LRRC49: variants seen among roughly 807,000 people sequenced by gnomAD.
LRRC49 encodes leucine rich repeat containing 49.
A neutral mutation model predicts 83.3 loss-of-function variants in LRRC49; 50 were observed. The observed-to-expected ratio is 0.60, with a 90% CI of 0.48 to 0.76. The LOEUF (loss-of-function observed/expected upper bound fraction) is 0.76. Ranked by LOEUF, LRRC49 falls within the 30% of genes least tolerant of loss-of-function variation. The probability of loss-of-function intolerance (pLI) is 0.00; values close to 1 mark genes in which losing one functional copy is unlikely to be tolerated. For synonymous variants in LRRC49, 286 were observed against 283.3 expected (o/e 1.01, Z -0.10); for missense variants, 704 against 809.1 (o/e 0.87, Z 1.58).
At chr15:70,871,493 G>A (rs565828759) in intron 1 of LRRC49, among the ~76,000 whole-genome samples, 9 of 152,254 alleles carry the variant, frequency 5.9e-5, no homozygotes, top group Non-Finnish European at 8.8e-5. Flanking sequence ...GGTGGCGGCC[G>A]GGCAGAGGGG....
chr15:70,952,090 A>G (rs1481464871), intron 8 of LRRC49, among the ~76,000 whole-genome samples: 1 of 152,170 alleles, frequency 6.6e-6, no homozygotes, highest in Non-Finnish European at 1.5e-5. Context: ...ATGTTGAACC[A>G]ACTTTGCATC....
intron 8 of LRRC49, among the ~76,000 whole-genome samples, chr15:70,937,429 AG>A (rs1289936236): frequency 6.6e-6 from 1 of 152,180 alleles, no homozygotes; most frequent in East Asian, 1.9e-4. Context: ...TCAATGCAAA[AG>A]GGCCCCTACT....
At chr15:70,865,017 C>A (rs1276474163) in intron 1 of LRRC49, among the ~76,000 whole-genome samples, 1 of 152,198 alleles carries the variant, frequency 6.6e-6, no homozygotes, top group Non-Finnish European at 1.5e-5. Flanking sequence ...CAGTCATTTT[C>A]TTCCTTTTTT....
At chr15:70,894,264 GT>G (rs915936962) in intron 2 of LRRC49, among the ~76,000 whole-genome samples, 2 of 151,838 alleles carry the variant, frequency 1.3e-5, no homozygotes, top group African/African-American at 4.8e-5. Flanking sequence ...AATTGGGGAG[GT>G]TTTTTTTCTT....
intron 11 of LRRC49, among the ~76,000 whole-genome samples, chr15:70,987,592 G>GGA (rs1183212265): frequency 6.6e-6 from 1 of 151,952 alleles, no homozygotes; most frequent in East Asian, 1.9e-4. Context: ...ACCAGCTCCT[G>GGA]GATTCATTAA....
At chr15:70,964,034 A>T in intron 9 of LRRC49, 102 bp downstream of exon 9, 2 of 1,141,372 alleles carry the variant, frequency 1.8e-6, no homozygotes, top group Non-Finnish European at 2.5e-6. Flanking sequence ...ATTTTAGTGA[A>T]CTATGGGTTA....
intron 8 of LRRC49, among the ~76,000 whole-genome samples, chr15:70,960,578 G>A (rs900738199): frequency 7.2e-5 from 11 of 152,156 alleles, no homozygotes; most frequent in Non-Finnish European, 1.6e-4. Context: ...ATTGGTGAAA[G>A]AGTAGACACA....
At chr15:71,031,676 GGGGCTGTTAC>G (rs2039356422) in intron 14 of LRRC49, among the ~76,000 whole-genome samples, 1 of 152,194 alleles carries the variant, frequency 6.6e-6, no homozygotes, top group Non-Finnish European at 1.5e-5. Flanking sequence ...GCCCCTGAAT[GGGGCTGTTAC>G]CTTTCCTTCA....
In LRRC49 at chr15:71,050,602, T is replaced by C. The variant is rs1397341942; in HGVS notation, c.*990T>C. 6.6e-6 allele frequency: 1 copy of C among 152,144 alleles called. No homozygotes were observed. Among genetic ancestry groups the C allele is most frequent in the Non-Finnish European group, 1.5e-5 (1 of 68,034 alleles). 9.4% of individuals were successfully genotyped at this position (152,144 alleles called of 1,614,324 possible). ...TTGCTTAGATTTTACCTAGCAGCTA[T>C]TATGTCAGCAGGACCACCAGGATAT... On this transcript the variant is annotated 3_prime_UTR_variant, in exon 16 of 16. Transcript: ENST00000260382.
intron 14 of LRRC49, among the ~76,000 whole-genome samples, chr15:71,033,375 A>G (rs1341414888): frequency 6.6e-6 from 1 of 152,224 alleles, no homozygotes; most frequent in Non-Finnish European, 1.5e-5. Flanking sequence ...TCACTGCTGA[A>G]GGAAATCATA....
upstream of LRRC49, chr15:70,892,617 C>G (rs1446243495): frequency 5.5e-6 from 8 of 1,451,004 alleles, no homozygotes; most frequent in Non-Finnish European, 7.2e-6. Flanking sequence ...AGCCTCTTCC[C>G]CAGCTTATCC....
rs138430323 is a variant in LRRC49 at position 70,859,496 on chromosome 15, G to C, written c.-299+6027G>C. 674 of 691,252 alleles carry C rather than the reference G, an allele frequency of 9.8e-4. 9 individuals carry two copies. In the African/African-American group the frequency reaches 0.011, roughly 11 times the overall value. The allele number at this position is 691,252 out of a possible 1,614,324, so 42.8% of individuals were successfully genotyped here. ...CCTGGACACGGTCAGCATCATTGCT[G>C]AGGTCAAGGTGCAGTAGGAGGAGAT... On this transcript the variant is annotated intron_variant, in intron 1 of 16. Coordinates refer to the LRRC49 transcript ENST00000544974.
intron 2 of LRRC49, among the ~76,000 whole-genome samples, chr15:70,876,843 A>C (rs1173834638): frequency 2.6e-5 from 4 of 152,220 alleles, no homozygotes; most frequent in Non-Finnish European, 5.9e-5. Context: ...GCTATGCTCC[A>C]GATTCATTTG....
chr15:71,047,119 C>T (rs1317177819), intron 15 of LRRC49, among the ~76,000 whole-genome samples: 1 of 152,168 alleles, frequency 6.6e-6, no homozygotes, highest in Non-Finnish European at 1.5e-5. Flanking sequence ...AGTCAGATAG[C>T]ATAATGCCTC....
intron 1 of LRRC49, among the ~76,000 whole-genome samples, chr15:70,871,918 G>A (rs1329368964): frequency 6.7e-6 from 1 of 150,282 alleles, no homozygotes; most frequent in Non-Finnish European, 1.5e-5. Context: ...CAGACTGGGC[G>A]GCCGGGCAGA....
chr15:70,943,051 G>A (rs956850853), intron 8 of LRRC49, among the ~76,000 whole-genome samples: 12 of 151,914 alleles, frequency 7.9e-5, no homozygotes, highest in Non-Finnish European at 1.2e-4. Flanking sequence ...TTCCTCATCT[G>A]GCAATTGTTT....
intron 2 of LRRC49, chr15:70,873,369 A>T (rs1323096398): frequency 1.1e-6 from 1 of 924,782 alleles, no homozygotes; most frequent in Non-Finnish European, 1.7e-6. Flanking sequence ...GTGAGGAGGG[A>T]ACAGGAAAAT....
At chr15:71,013,015 A>G (rs1205065093) in intron 14 of LRRC49, 102 bp downstream of exon 14, 3 of 729,504 alleles carry the variant, frequency 4.1e-6, no homozygotes, top group Admixed American at 5.1e-5. Flanking sequence ...TGTTCCATAA[A>G]CATGTATCCT....
At chr15:70,963,090 C>T (rs550258457) in intron 8 of LRRC49, among the ~76,000 whole-genome samples, 14 of 151,748 alleles carry the variant, frequency 9.2e-5, no homozygotes, top group East Asian at 5.8e-4. Context: ...CATAGTGAGA[C>T]GCTTTTTATT....
Sources: gnomAD v4.1 joint callset for allele counts (sites outside exome capture counted in the v4.1 genomes callset) on GRCh38, gnomAD v4.1.1 for gene constraint, MANE v1.5 for transcripts, NCBI Gene and HGNC (gene_info 2026-07-23, HGNC 2026-07-21) for gene names.